The following DIAPH2 variants were observed in gnomAD, a reference collection of about 807,000 sequenced individuals.
The protein encoded by DIAPH2 is diaphanous related formin 2.
A neutral mutation model predicts 92.7 loss-of-function variants in DIAPH2; 35 were observed. The observed-to-expected ratio is 0.38, with a 90% CI of 0.29 to 0.50. The LOEUF (loss-of-function observed/expected upper bound fraction) is 0.50, where lower values mean the gene tolerates loss of function less well. DIAPH2 is among the 20% of genes least tolerant of loss of function. The pLI is 0.94. For synonymous variants in DIAPH2, 301 were observed against 280.4 expected, an observed-to-expected ratio of 1.07 and a Z score of -0.73; for missense variants, 701 against 819.5, an observed-to-expected ratio of 0.86 and a Z score of 1.77.
At chrX:96,816,926 C>T (rs1168186247) in intron 4 of DIAPH2, among the ~76,000 whole-genome samples, 1 of 111,978 alleles carries the variant, frequency 8.9e-6, no homozygotes, top group Non-Finnish European at 1.9e-5. Flanking sequence ...TTTGCAACAA[C>T]ATGGCAAGAA....
intron 17 of DIAPH2, among the ~76,000 whole-genome samples, chrX:96,973,216 C>T (rs186572617): frequency 3.2e-4 from 36 of 112,063 alleles, no homozygotes; most frequent in African/African-American, 1.1e-3. Context: ...AAATATAATA[C>T]GCTGAGCGTC....
chrX:96,826,893 T>C (rs950100916), intron 4 of DIAPH2, among the ~76,000 whole-genome samples: 2 of 111,713 alleles, frequency 1.8e-5, no homozygotes, highest in Non-Finnish European at 3.8e-5. Context: ...GGCTCAACAC[T>C]CTTTTTTTAA....
intron 22 of DIAPH2, among the ~76,000 whole-genome samples, chrX:97,181,657 G>A (rs1486700299): frequency 3.6e-5 from 4 of 112,201 alleles, no homozygotes; most frequent in Admixed American, 9.4e-5. Flanking sequence ...TGATCCACCC[G>A]CCTCGGCCTC....
chrX:97,017,181 AC>A (rs1227904246), intron 17 of DIAPH2, among the ~76,000 whole-genome samples: 1 of 112,231 alleles, frequency 8.9e-6, no homozygotes. Flanking sequence ...GTCTCTCAAT[AC>A]AAACTTGATA....
chrX:97,446,219 CAA>C (rs1242180251), intron 26 of DIAPH2, among the ~76,000 whole-genome samples: 1 of 111,420 alleles, frequency 9.0e-6, no homozygotes, highest in Non-Finnish European at 1.9e-5. Context: ...ATTTTGCTCT[CAA>C]AAAAGTCTAC....
rs1196814835 is a variant in DIAPH2, at chrX:96,740,658, T to C, written c.342+1896T>C. On this transcript the variant is annotated intron_variant, in intron 3 of 26. Transcript: ENST00000324765. ...ACTGTTACATTTGTGTCCTCAGATG[T>C]CCTCCAGCTGTTCTTGCCCTACTTT... Among the ~76,000 whole-genome samples the C allele has an allele frequency of 5.4e-5, 6 of 111,662 alleles. No individual in the cohort carries two copies. In the East Asian group the frequency reaches 1.7e-3, roughly 32 times the overall value.
chrX:97,037,845 G>T (rs1017278851), intron 17 of DIAPH2, among the ~76,000 whole-genome samples: 5 of 111,526 alleles, frequency 4.5e-5, no homozygotes, highest in African/African-American at 1.6e-4. Flanking sequence ...AATATACTAT[G>T]ATTTATTATC....
At position 97,383,995 on chromosome X, in the gene DIAPH2, A is replaced by G; in HGVS notation, c.3096A>G (p.Glu1032=). 4 of 1,206,093 alleles carry G rather than the reference A, an allele frequency of 3.3e-6. No homozygotes were observed. Among genetic ancestry groups the G allele is most frequent in the South Asian group, 1.8e-5 (1 of 55,623 alleles). The change falls in exon 25 of 27, where the codon GAA becomes GAG. Residue 1032 remains glutamate, a synonymous_variant. Coordinates refer to ENST00000324765, the MANE Select transcript of DIAPH2 (RefSeq NM_006729.5). The part of the protein sequence containing the change: ...AKLAKEKAEQ[E]KLERQKKKKQ... Reference sequence around the variant, plus strand: ...TTGCAAAAGAGAAAGCTGAACAAGAAAAGTTAGAACGCCAGAAGAAAAAGA... The same window carrying G: ...TTGCAAAAGAGAAAGCTGAACAAGAGAAGTTAGAACGCCAGAAGAAAAAGA...
chrX:97,145,455 ATTTG>A (rs2067240313), intron 22 of DIAPH2, among the ~76,000 whole-genome samples: 2 of 110,061 alleles, frequency 1.8e-5, no homozygotes, highest in Middle Eastern at 4.7e-3. Flanking sequence ...ATTCAATTCT[ATTTG>A]TTTGTTTCCT....
chrX:97,547,306 T>C (rs1050815037), intron 26 of DIAPH2, among the ~76,000 whole-genome samples: 1 of 112,031 alleles, frequency 8.9e-6, no homozygotes, highest in Non-Finnish European at 1.9e-5. Flanking sequence ...ACTCAACCCC[T>C]GCTTTGGGTA....
At chrX:97,008,820 G>A (rs959582954) in intron 17 of DIAPH2, among the ~76,000 whole-genome samples, 1 of 111,562 alleles carries the variant, frequency 9.0e-6, no homozygotes, top group African/African-American at 3.3e-5. Flanking sequence ...CTGGGGAAGG[G>A]GTGATGTAAA....
At chrX:97,481,598 T>G (rs1405569045) in intron 26 of DIAPH2, among the ~76,000 whole-genome samples, 1 of 111,325 alleles carries the variant, frequency 9.0e-6, no homozygotes, top group East Asian at 2.8e-4. Context: ...TTGGGTCTAG[T>G]TAAAAAGGGA....
intron 5 of DIAPH2, among the ~76,000 whole-genome samples, chrX:96,902,972 A>C (rs1236198111): frequency 9.0e-6 from 1 of 111,330 alleles, no homozygotes; most frequent in Non-Finnish European, 1.9e-5. Flanking sequence ...GTGAACATTA[A>C]ATTTCTTTGA....
intron 17 of DIAPH2, among the ~76,000 whole-genome samples, chrX:97,012,641 ACT>A (rs965222258): frequency 1.8e-5 from 2 of 112,041 alleles, no homozygotes; most frequent in Non-Finnish European, 3.8e-5. Flanking sequence ...TAAATTGTAC[ACT>A]CTTTTCCAAC....
Position 97,145,683 on chromosome X carries a change from G to T in DIAPH2, c.2719+3889G>T, listed in dbSNP as rs1326652570. On this transcript the variant is annotated intron_variant, in intron 22 of 26. Transcript: ENST00000324765. ...AATCCTCTTCTTATATCACTGTTTG[G>T]GCCATATCAATCCCTACTCTCAAAT... is the stretch of plus-strand genomic sequence containing the variant. Among the ~76,000 whole-genome samples the T allele has an allele frequency of 9.1e-5, 10 of 109,622 alleles. No individual in the cohort carries two copies. The East Asian group carries it at 2.6e-3, about 28-fold the overall frequency.
intron 22 of DIAPH2, among the ~76,000 whole-genome samples, chrX:97,231,383 G>A (rs1325977): frequency 2.8e-5 from 3 of 108,369 alleles, no homozygotes; most frequent in Admixed American, 1.0e-4. Flanking sequence ...ACATCTGGAT[G>A]TACTGTTTTA....
intron 21 of DIAPH2, among the ~76,000 whole-genome samples, chrX:97,136,642 CA>C (rs2067172101): frequency 9.0e-6 from 1 of 111,390 alleles, no homozygotes; most frequent in Admixed American, 9.5e-5. Flanking sequence ...TGTATTTTCA[CA>C]TAGCTAACAC....
chrX:97,212,721 G>A (rs1288683917), intron 22 of DIAPH2, among the ~76,000 whole-genome samples: 1 of 107,988 alleles, frequency 9.3e-6, no homozygotes, highest in East Asian at 2.9e-4. Flanking sequence ...AACCAGTTAT[G>A]TGATATTAGA....
At chrX:97,129,458 C>T (rs1228951406) in intron 21 of DIAPH2, among the ~76,000 whole-genome samples, 1 of 110,764 alleles carries the variant, frequency 9.0e-6, no homozygotes, top group Non-Finnish European at 1.9e-5. Context: ...AGCCGCTGTG[C>T]CTGGCCATCT....
Sources: allele counts gnomAD v4.1 joint callset (sites outside exome capture counted in the v4.1 genomes callset), GRCh38; gene constraint gnomAD v4.1.1; transcripts MANE v1.5; gene names NCBI Gene and HGNC (gene_info 2026-07-23, HGNC 2026-07-21).